C3orf49: variants seen among roughly 807,000 people sequenced by gnomAD.
C3orf49 encodes chromosome 3 open reading frame 49, also known as putative uncharacterized protein C3orf49.
A neutral mutation model predicts 13.3 loss-of-function variants in C3orf49; 27 were observed. The ratio of observed to expected loss-of-function variants is 2.02; its 90% confidence interval spans 1.49 to 2.79. C3orf49 has a LOEUF of 2.79. Ranked by LOEUF, C3orf49 falls within the 30% of genes most tolerant of loss-of-function variation. The pLI, the probability that C3orf49 is intolerant of heterozygous loss-of-function variation, is 0.00. For synonymous variants in C3orf49, 87 were observed against 47.6 expected (o/e 1.83, Z -3.40); for missense variants, 242 against 134.2 (o/e 1.80, Z -3.97).
At chr3:63,835,475 G>A (rs949557852) in intron 5 of C3orf49, 4 of 1,239,354 alleles carry the variant, frequency 3.2e-6, no homozygotes, top group African/African-American at 1.5e-5. Flanking sequence ...TTACTAGATA[G>A]GATTTTTAAA....
chr3:63,803,723 C>A, the C3orf49 span, among the ~76,000 whole-genome samples: 1 of 152,044 alleles, frequency 6.6e-6, no homozygotes, highest in African/African-American at 2.4e-5. Context: ...AACAGCAGTC[C>A]CCAACCTTTT....
chr3:63,811,586 A>C, the C3orf49 span, among the ~76,000 whole-genome samples: 277 of 151,472 alleles, frequency 1.8e-3, 1 homozygote, highest in Non-Finnish European at 2.2e-3. Flanking sequence ...AAAAAAAAAA[A>C]CAAAAAAAAA....
At chr3:63,816,135 G>GT (rs764457622), upstream of C3orf49, among the ~76,000 whole-genome samples, 401 of 140,370 alleles carry the variant, frequency 2.9e-3, 1 homozygote, top group East Asian at 4.5e-3. Context: ...TGTTGATTTT[G>GT]TTTTTTTTTT....
At chr3:63,784,549 C>A in the C3orf49 span, among the ~76,000 whole-genome samples, 145 of 152,226 alleles carry the variant, frequency 9.5e-4, no homozygotes, top group Admixed American at 1.7e-3. Flanking sequence ...AAGAAGCTGG[C>A]AGAAGACAGC....
At chr3:63,788,811 C>T in the C3orf49 span, among the ~76,000 whole-genome samples, 1 of 151,920 alleles carries the variant, frequency 6.6e-6, no homozygotes, top group Non-Finnish European at 1.5e-5. Flanking sequence ...TAACAAAGCC[C>T]AAATTTTAAC....
rs905223322 is a variant in C3orf49 at position 63,819,492 on chromosome 3, T to C, written c.21T>C (p.Tyr7=). 19 of 702,834 alleles carry C rather than the reference T, an allele frequency of 2.7e-5. No homozygotes were observed. The African/African-American group carries it at 3.3e-4, about 12-fold the overall frequency. 43.5% of individuals were successfully genotyped at this position (702,834 alleles called of 1,614,324 possible). The part of the protein sequence containing the change: MAQPQL[Y]LPEPFKIAYR... Reference sequence around the variant, plus strand: ...GAGCAATGGCCCAACCTCAGCTGTATCTACCAGAACCCTTTAAGATTGCCT... The same window carrying C: ...GAGCAATGGCCCAACCTCAGCTGTACCTACCAGAACCCTTTAAGATTGCCT... Residue 7 remains tyrosine, a synonymous_variant, in exon 1 of 7, where the codon TAT becomes TAC. Transcript: ENST00000295896.
chr3:63,792,104 G>T, the C3orf49 span, among the ~76,000 whole-genome samples: 130 of 152,298 alleles, frequency 8.5e-4, 1 homozygote, highest in East Asian at 0.02. Flanking sequence ...GCAATTGTTT[G>T]GACTTTATTG....
chr3:63,832,672 A>G (rs1701549821), intron 5 of C3orf49, among the ~76,000 whole-genome samples: 1 of 152,170 alleles, frequency 6.6e-6, no homozygotes, highest in South Asian at 2.1e-4. Context: ...AGAAAAGAAA[A>G]AAAAAGAAAA....
chr3:63,817,640 T>G (rs1701340009), upstream of C3orf49, among the ~76,000 whole-genome samples: 1 of 152,036 alleles, frequency 6.6e-6, no homozygotes, highest in African/African-American at 2.4e-5. Context: ...AAAATTGATG[T>G]CTCTCTATAC....
intron 5 of C3orf49, among the ~76,000 whole-genome samples, chr3:63,841,944 A>G (rs1051099012): frequency 1.3e-5 from 2 of 152,172 alleles, no homozygotes; most frequent in Admixed American, 6.5e-5. Flanking sequence ...TTTTTTTGCT[A>G]CATGCCTGGA....
At chr3:63,789,667 C>T in the C3orf49 span, among the ~76,000 whole-genome samples, 1 of 151,678 alleles carries the variant, frequency 6.6e-6, no homozygotes, top group Non-Finnish European at 1.5e-5. Flanking sequence ...AAAAATTAAC[C>T]GGGTATGGTA....
At chr3:63,838,058 A>G in intron 5 of C3orf49, 3 of 1,604,678 alleles carry the variant, frequency 1.9e-6, no homozygotes, top group Non-Finnish European at 2.5e-6. Flanking sequence ...CAGCTATGCT[A>G]CATTCTATAT....
At chr3:63,781,566 A>G in the C3orf49 span, among the ~76,000 whole-genome samples, 20 of 152,290 alleles carry the variant, frequency 1.3e-4, no homozygotes, top group Admixed American at 1.0e-3. Flanking sequence ...CATTGAATCT[A>G]TAAATTACCT....
At chr3:63,816,784 T>TG (rs1008187705), upstream of C3orf49, among the ~76,000 whole-genome samples, 3 of 143,828 alleles carry the variant, frequency 2.1e-5, no homozygotes, top group Non-Finnish European at 4.6e-5. Context: ...TTTTTTTTTT[T>TG]TTTTGTGAGA....
chr3:63,845,110 G>C (rs73831964), intron 6 of C3orf49, 28 bp downstream of exon 6: 2 of 685,440 alleles, frequency 2.9e-6, no homozygotes, highest in Admixed American at 4.2e-5. Flanking sequence ...TTCTGGGGGT[G>C]GGGGGTACTA....
the C3orf49 span, among the ~76,000 whole-genome samples, chr3:63,814,177 G>A: frequency 6.6e-6 from 1 of 152,202 alleles, no homozygotes; most frequent in African/African-American, 2.4e-5. Context: ...TAGGAGCACT[G>A]ATGGGAGATA....
chr3:63,846,291 T>C, intron 6 of C3orf49: 1 of 413,042 alleles, frequency 2.4e-6, no homozygotes, highest in Non-Finnish European at 4.8e-6. Context: ...CCAAGCGACT[T>C]GCACTCCCTG....
the C3orf49 span, among the ~76,000 whole-genome samples, chr3:63,788,729 A>T: frequency 1.1e-4 from 15 of 138,462 alleles, no homozygotes; most frequent in African/African-American, 2.0e-4. Flanking sequence ...ATTACAATTT[A>T]AAAAAAAAAA....
At chr3:63,816,574 G>T (rs576360522), upstream of C3orf49, among the ~76,000 whole-genome samples, 2 of 151,326 alleles carry the variant, frequency 1.3e-5, no homozygotes, top group East Asian at 4.0e-4. Flanking sequence ...AGAGTAAGAT[G>T]CTGTTTAAAC....
Sources: allele counts gnomAD v4.1 joint callset (sites outside exome capture counted in the v4.1 genomes callset), GRCh38; gene constraint gnomAD v4.1.1; transcripts MANE v1.5; gene names NCBI Gene and HGNC (gene_info 2026-07-23, HGNC 2026-07-21).